Variants in DNASE1 observed in about 807,000 individuals in gnomAD.
DNASE1 encodes the protein deoxyribonuclease 1.
A neutral mutation model predicts 33.9 loss-of-function variants in DNASE1; 40 were observed. That is an observed-to-expected ratio of 1.18 (90% CI 0.92 to 1.54). DNASE1 has a LOEUF of 1.54. Ranked by LOEUF, DNASE1 falls within the 40% of genes most tolerant of loss-of-function variation. The pLI is 0.00. For missense variants in DNASE1, 518 were observed against 372.6 expected (o/e 1.39, Z -3.21); for synonymous variants, 216 against 160.0 (o/e 1.35, Z -2.64).
intron 1 of DNASE1, among the ~76,000 whole-genome samples, chr16:3,643,512 C>G (rs1263557257): frequency 6.6e-6 from 1 of 152,186 alleles, no homozygotes; most frequent in Admixed American, 6.5e-5. Flanking sequence ...GGTGGAGTTC[C>G]TGATTCACTG....
chr16:3,661,979 G>T, downstream of DNASE1: 1 of 1,596,430 alleles, frequency 6.3e-7, no homozygotes, highest in African/African-American at 1.3e-5. Flanking sequence ...CCAGGAGCGT[G>T]GCCTCACCTG....
At chr16:3,615,347 A>G (rs746631689) in intron 1 of DNASE1, among the ~76,000 whole-genome samples, 32 of 152,188 alleles carry the variant, frequency 2.1e-4, no homozygotes, top group Admixed American at 6.6e-5. Context: ...TTTGGGCTAA[A>G]GGTGAACAAT....
At chr16:3,646,415 G>A (rs2042173679) in intron 1 of DNASE1, among the ~76,000 whole-genome samples, 1 of 152,210 alleles carries the variant, frequency 6.6e-6, no homozygotes, top group Admixed American at 6.5e-5. Context: ...CATAAACGAG[G>A]GTAAACAGGT....
intron 1 of DNASE1, among the ~76,000 whole-genome samples, chr16:3,626,906 A>C (rs146786815): frequency 2.0e-5 from 3 of 151,854 alleles, no homozygotes; most frequent in Admixed American, 2.0e-4. Flanking sequence ...GGGTCTTGCT[A>C]TGTCACCCAG....
At chr16:3,616,835 TAAAC>T (rs1293367299) in intron 1 of DNASE1, among the ~76,000 whole-genome samples, 1 of 152,082 alleles carries the variant, frequency 6.6e-6, no homozygotes, top group Non-Finnish European at 1.5e-5. Context: ...AGTCTAGAAA[TAAAC>T]CCTTATATTT....
At chr16:3,643,209 G>C (rs1056363688) in intron 1 of DNASE1, among the ~76,000 whole-genome samples, 1 of 152,226 alleles carries the variant, frequency 6.6e-6, no homozygotes, top group Non-Finnish European at 1.5e-5. Flanking sequence ...CGAGGCGGCT[G>C]GACCTGAGGG....
At chr16:3,660,351 A>G (rs2043001057), downstream of DNASE1, 1 of 152,268 alleles carries the variant, frequency 6.6e-6, no homozygotes, top group Non-Finnish European at 1.5e-5. Flanking sequence ...ATGAAAGTGA[A>G]GCTGGCTGGG....
At chr16:3,656,073 C>T (rs1214025752) in intron 3 of DNASE1, 29 bp from the exon 4 acceptor site, 1 of 1,613,232 alleles carries the variant, frequency 6.2e-7, no homozygotes, top group Non-Finnish European at 8.5e-7. Flanking sequence ...TGGCCCCCGC[C>T]ACTGGGACCT....
chr16:3,624,930 C>G (rs933943414), intron 1 of DNASE1, among the ~76,000 whole-genome samples: 1 of 152,114 alleles, frequency 6.6e-6, no homozygotes, highest in Non-Finnish European at 1.5e-5. Flanking sequence ...GAACTGGGCT[C>G]AAGTGATTTG....
intron 1 of DNASE1, among the ~76,000 whole-genome samples, chr16:3,649,405 G>A (rs2042266980): frequency 6.6e-6 from 1 of 152,182 alleles, no homozygotes; most frequent in South Asian, 2.1e-4. Flanking sequence ...TCCCCCTAAG[G>A]TGGCTGATAA....
chr16:3,655,933 A>C lies in DNASE1; in HGVS notation c.232A>C (p.Asn78His), dbSNP rs749132928. 1 of 1,613,658 alleles carries C rather than the reference A, an allele frequency of 6.2e-7. No homozygotes were observed. The highest frequency in any genetic ancestry group is 8.5e-7 in the Non-Finnish European group (1 of 1,179,674). Residue 78 changes from asparagine to histidine, a missense_variant, in exon 3 of 9, where the codon AAT becomes CAT. By Grantham distance (68) the Asn-to-His change is moderately conservative (BLOSUM62 1). Transcript: ENST00000246949. ...TAVGKLLDNL[N>H]QDAPDTYHYV... ...CGTGGGGAAGCTGCTGGACAACCTC[A>C]ATCAGTGGGTGACAGTGGCAGGGTC...
At chr16:3,632,548 C>T (rs77506522) in intron 1 of DNASE1, among the ~76,000 whole-genome samples, 9,438 of 151,280 alleles carry the variant, frequency 0.062, 311 homozygotes, top group Admixed American at 0.076. Context: ...CTTTTTGATT[C>T]CTGCTATGTC....
exon 10 of DNASE1, chr16:3,663,165 G>T: frequency 1.5e-6 from 1 of 660,494 alleles, no homozygotes; most frequent in Admixed American, 3.0e-5. Context: ...CTTGGTTAGG[G>T]CTTTAAAAAA....
At position 3,655,499 on chromosome 16, in the gene DNASE1, C is replaced by T. The variant is rs144058317; in HGVS notation, c.126C>T (p.Thr42=). ...GGGAGACCAAGATGTCCAATGCCAC[C>T]CTCGTCAGCTACATTGTGCAGGTGA... ...TFGETKMSNA[T]LVSYIVQILS... Residue 42 remains threonine, a synonymous_variant, in exon 2 of 9, where the codon ACC becomes ACT. Transcript: ENST00000246949. 129 of 1,614,136 alleles carry T rather than the reference C, an allele frequency of 8.0e-5. No homozygotes were observed. The East Asian group carries it at 1.8e-3, about 22-fold the overall frequency.
intron 1 of DNASE1, among the ~76,000 whole-genome samples, chr16:3,629,729 T>A (rs927406782): frequency 4.6e-5 from 7 of 152,188 alleles, no homozygotes; most frequent in Non-Finnish European, 8.8e-5. Flanking sequence ...CTTAGGAGAT[T>A]TTTGATTACT....
exon 10 of DNASE1, chr16:3,663,923 TGTG>T: frequency 2.8e-6 from 1 of 354,052 alleles, no homozygotes; most frequent in Non-Finnish European, 5.2e-6. Flanking sequence ...ATTTGCTGGG[TGTG>T]GTGGTGTGCA....
Position 3,657,255 on chromosome 16 carries a change from C to T in DNASE1, c.618C>T (p.Ile206=), listed in dbSNP as rs375047779. 16 of 1,613,926 alleles carry T rather than the reference C, an allele frequency of 9.9e-6. No individual in the cohort carries two copies. Among genetic ancestry groups the T allele is most frequent in the African/African-American group, 8.0e-5 (6 of 74,948 alleles). ...TGAGACCCTCCCAGTGGTCATCCAT[C>T]CGCCTGTGGACAAGCCCCACCTTCC... ...SYVRPSQWSS[I]RLWTSPTFQW... is the part of the protein sequence containing the mutation. Residue 206 remains isoleucine, a synonymous_variant, in exon 7 of 9, where the codon ATC becomes ATT. Coordinates refer to ENST00000246949, the MANE Select transcript of DNASE1 (RefSeq NM_005223.4).
Position 3,655,509 on chromosome 16 carries a change from T to C in DNASE1, c.136T>C (p.Tyr46His), listed in dbSNP as rs147546841. The C allele has an allele frequency of 2.4e-5, 38 of 1,614,112 alleles. 1 individual carries two copies. Among genetic ancestry groups the C allele is most frequent in the Non-Finnish European group, 3.1e-5 (36 of 1,180,024 alleles). Residue 46 changes from tyrosine (Y) to histidine (H), a missense_variant, in exon 2 of 9, where the codon TAC becomes CAC. Transcript: ENST00000246949. Reference protein sequence around the residue: ...TKMSNATLVSYIVQILSRYDI... With the variant: ...TKMSNATLVSHIVQILSRYDI... The stretch of plus-strand genomic sequence containing the variant: ...GATGTCCAATGCCACCCTCGTCAGC[T>C]ACATTGTGCAGGTGAGGCCAGGGCA...
At chr16:3,614,955 C>CA in intron 1 of DNASE1, among the ~76,000 whole-genome samples, 1 of 152,248 alleles carries the variant, frequency 6.6e-6, no homozygotes, top group Admixed American at 6.5e-5. Context: ...CTCTCTCCCC[C>CA]AACCCCAAAT....
Sources: allele counts gnomAD v4.1 joint callset (sites outside exome capture counted in the v4.1 genomes callset), GRCh38; gene constraint gnomAD v4.1.1; transcripts MANE v1.5; gene names NCBI Gene and HGNC (gene_info 2026-07-23, HGNC 2026-07-21).